CTNNA3: variants seen among roughly 807,000 people sequenced by gnomAD.
CTNNA3 encodes the protein catenin alpha 3, also known as catenin alpha-3.
Under a neutral mutation model 95.7 loss-of-function variants are expected in CTNNA3, and 76 were observed. The ratio of observed to expected loss-of-function variants is 0.79; its 90% CI spans 0.66 to 0.96. CTNNA3 has a LOEUF of 0.96. Ranked by LOEUF, CTNNA3 falls within the 40% of genes least tolerant of loss-of-function variation. The pLI, the probability that CTNNA3 is intolerant of heterozygous loss-of-function variation, is 0.00. For missense variants in CTNNA3, 1,191 were observed against 1,089.8 expected (o/e 1.09, Z -1.31); for synonymous variants, 431 against 374.4 (o/e 1.15, Z -1.74).
intron 5 of CTNNA3, among the ~76,000 whole-genome samples, chr10:67,435,539 C>G (rs1182377451): frequency 2.0e-5 from 3 of 152,030 alleles, no homozygotes; most frequent in African/African-American, 7.2e-5. Flanking sequence ...CAAACTGTCA[C>G]TGTTTGCTGA....
chr10:66,961,537 A>T (rs770357423), intron 7 of CTNNA3, among the ~76,000 whole-genome samples: 55 of 151,834 alleles, frequency 3.6e-4, no homozygotes, highest in African/African-American at 1.3e-3. Flanking sequence ...CAACCTCTTA[A>T]TGTTGGGGTG....
chr10:66,266,524 ACTT>A (rs2091163481), intron 13 of CTNNA3, among the ~76,000 whole-genome samples: 1 of 152,032 alleles, frequency 6.6e-6, no homozygotes, highest in Non-Finnish European at 1.5e-5. Flanking sequence ...ATTAGCAATT[ACTT>A]CTGTCAATTT....
intron 1 of CTNNA3, among the ~76,000 whole-genome samples, chr10:67,747,755 C>G (rs1328291682): frequency 1.3e-5 from 2 of 152,164 alleles, no homozygotes; most frequent in Non-Finnish European, 2.9e-5. Flanking sequence ...TGGGCAGAGG[C>G]TGAGATGGAT....
intron 14 of CTNNA3, among the ~76,000 whole-genome samples, chr10:66,090,659 GAC>G (rs2081179663): frequency 6.6e-6 from 1 of 151,892 alleles, no homozygotes; most frequent in Non-Finnish European, 1.5e-5. Context: ...GAAACGAAGA[GAC>G]ATGTTTGGAG....
chr10:66,208,876 G>T (rs1000265660), intron 13 of CTNNA3, among the ~76,000 whole-genome samples: 2 of 152,050 alleles, frequency 1.3e-5, no homozygotes, highest in Admixed American at 1.3e-4. Flanking sequence ...GGGCCCAGGG[G>T]ACACTGGAGT....
In CTNNA3 at chr10:66,815,280, A is replaced by C. The variant is rs891951772; in HGVS notation, c.1048-39756T>G. On this transcript the variant is annotated intron_variant, in intron 7 of 17. Coordinates refer to ENST00000433211, the MANE Select transcript of CTNNA3 (RefSeq NM_013266.4). ...AAAACGGTTGAATTTCAGTAAGAAC[A>C]GCAAATTTTATGGTATATGAACTTT... Among the ~76,000 whole-genome samples the C allele has an allele frequency of 4.6e-5, 7 of 152,244 alleles. 1 individual carries two copies. The highest frequency in any genetic ancestry group is 4.6e-4 in the Admixed American group (7 of 15,286).
chr10:66,026,310 T>C (rs2079334760), intron 15 of CTNNA3, among the ~76,000 whole-genome samples: 1 of 152,204 alleles, frequency 6.6e-6, no homozygotes, highest in Admixed American at 6.5e-5. Context: ...AGGCTTTTTA[T>C]ATTAATGTTT....
intron 7 of CTNNA3, among the ~76,000 whole-genome samples, chr10:66,843,965 G>C (rs1843160546): frequency 6.6e-6 from 1 of 152,186 alleles, no homozygotes; most frequent in Admixed American, 6.5e-5. Flanking sequence ...ATGCCCAATA[G>C]GGCATTTATT....
At chr10:66,828,200 A>G (rs1842585094) in intron 7 of CTNNA3, among the ~76,000 whole-genome samples, 1 of 152,210 alleles carries the variant, frequency 6.6e-6, no homozygotes, top group Non-Finnish European at 1.5e-5. Flanking sequence ...CATAAACACA[A>G]TTTATTTTGG....
intron 5 of CTNNA3, among the ~76,000 whole-genome samples, chr10:67,339,216 C>A (rs1842095580): frequency 6.6e-6 from 1 of 152,116 alleles, no homozygotes. Context: ...AAAGCAAAAT[C>A]TTGTCCTTAT....
intron 13 of CTNNA3, among the ~76,000 whole-genome samples, chr10:66,244,043 C>A (rs2090209007): frequency 6.6e-6 from 1 of 151,830 alleles, no homozygotes; most frequent in Non-Finnish European, 1.5e-5. Context: ...AGTCCCAGAC[C>A]TTGTAGCATT....
At chr10:65,927,367 G>A (rs1166941773) in intron 17 of CTNNA3, among the ~76,000 whole-genome samples, 1 of 152,048 alleles carries the variant, frequency 6.6e-6, no homozygotes, top group Non-Finnish European at 1.5e-5. Flanking sequence ...TATGCTTTAG[G>A]TACACTAGAA....
intron 14 of CTNNA3, among the ~76,000 whole-genome samples, chr10:66,093,033 A>G (rs941006366): frequency 6.6e-6 from 1 of 152,014 alleles, no homozygotes; most frequent in Non-Finnish European, 1.5e-5. Flanking sequence ...GAAAATGTAC[A>G]TATTTTAATG....
At chr10:67,282,786 A>G (rs1482496899) in intron 5 of CTNNA3, among the ~76,000 whole-genome samples, 2 of 152,146 alleles carry the variant, frequency 1.3e-5, no homozygotes, top group Non-Finnish European at 2.9e-5. Context: ...ATGCCTCAAA[A>G]TGAAGGCCTT....
chr10:67,317,749 A>G lies in CTNNA3; in HGVS notation c.580-97879T>C, dbSNP rs77280869. Among the ~76,000 whole-genome samples, 515 of 152,160 alleles carry G rather than the reference A, an allele frequency of 3.4e-3. 2 individuals are homozygous for G. Among genetic ancestry groups the G allele is most frequent in the Middle Eastern group, 0.024 (7 of 294 alleles). On this transcript the variant is annotated intron_variant, in intron 5 of 17. Transcript: ENST00000433211. ...ATCATCGGGGGTTTTAAGGTCAAAC[A>G]TACTACTTTCTGGATCTGTGTTCAG...
intron 11 of CTNNA3, among the ~76,000 whole-genome samples, chr10:66,439,068 G>A (rs1319705459): frequency 6.6e-6 from 1 of 152,064 alleles, no homozygotes; most frequent in Non-Finnish European, 1.5e-5. Context: ...TACCTCAGTT[G>A]GAAATGCAGA....
chr10:66,069,736 T>C (rs1393541561), intron 14 of CTNNA3, among the ~76,000 whole-genome samples: 6 of 152,174 alleles, frequency 3.9e-5, no homozygotes, highest in Non-Finnish European at 7.4e-5. Flanking sequence ...GTGTCCAACA[T>C]ACTTAAATCC....
At chr10:66,538,666 T>A (rs2132070400) in intron 10 of CTNNA3, among the ~76,000 whole-genome samples, 1 of 152,326 alleles carries the variant, frequency 6.6e-6, no homozygotes, top group African/African-American at 2.4e-5. Flanking sequence ...TTACATATGC[T>A]GTTAGATAGA....
chr10:66,064,998 T>C (rs2080283883), intron 15 of CTNNA3, among the ~76,000 whole-genome samples: 1 of 152,190 alleles, frequency 6.6e-6, no homozygotes, highest in Admixed American at 6.6e-5. Flanking sequence ...ATACAACTTA[T>C]ACTCTGTTAT....
Sources: allele counts gnomAD v4.1 joint callset (sites outside exome capture counted in the v4.1 genomes callset), GRCh38; gene constraint gnomAD v4.1.1; transcripts MANE v1.5; gene names NCBI Gene and HGNC (gene_info 2026-07-23, HGNC 2026-07-21).